BCAR3: variants seen among roughly 807,000 people sequenced by gnomAD.
The protein encoded by BCAR3 is breast cancer anti-estrogen resistance protein 3.
BCAR3 carries 37 observed loss-of-function variants against 80.1 expected under a neutral mutation model. The ratio of observed to expected loss-of-function variants is 0.46; its 90% CI spans 0.36 to 0.61. BCAR3 has a LOEUF of 0.61. Ranked by LOEUF, BCAR3 falls within the 20% of genes least tolerant of loss-of-function variation. The probability of loss-of-function intolerance (pLI) is 0.00; values close to 1 mark genes in which losing one functional copy is unlikely to be tolerated. For missense variants in BCAR3, 978 were observed against 1,068.2 expected, an observed-to-expected ratio of 0.92 and a Z score of 1.18; for synonymous variants, 389 against 418.9, an observed-to-expected ratio of 0.93 and a Z score of 0.87.
At chr1:93,807,938 T>C (rs1413913811) in intron 2 of BCAR3, among the ~76,000 whole-genome samples, 1 of 151,010 alleles carries the variant, frequency 6.6e-6, no homozygotes, top group Non-Finnish European at 1.5e-5. Flanking sequence ...GACAGTGAAA[T>C]TGGGTGTCTG....
chr1:93,770,296 T>C lies in BCAR3; in HGVS notation c.-62-64154A>G, dbSNP rs536348004. ...TACCAGAAAGGAGGTACAGCATCAGTAATGGCAGAGGCAATGACAGCTCAC... is the reference window on the plus strand; with the variant it reads ...TACCAGAAAGGAGGTACAGCATCAGCAATGGCAGAGGCAATGACAGCTCAC... On this transcript the variant is annotated intron_variant, in intron 2 of 13. Transcript: ENST00000370244. Among the ~76,000 whole-genome samples the C allele has an allele frequency of 3.9e-5, 6 of 152,134 alleles. No individual in the cohort carries two copies. In the East Asian group the frequency reaches 1.2e-3, roughly 30 times the overall value.
At chr1:93,696,359 T>C (rs1649402414) in intron 3 of BCAR3, among the ~76,000 whole-genome samples, 1 of 152,182 alleles carries the variant, frequency 6.6e-6, no homozygotes, top group Non-Finnish European at 1.5e-5. Flanking sequence ...GCTGGAACCC[T>C]GGGAACCACC....
intron 2 of BCAR3, among the ~76,000 whole-genome samples, chr1:93,667,824 C>T (rs1647998364): frequency 1.3e-5 from 2 of 152,210 alleles, no homozygotes; most frequent in Admixed American, 1.3e-4. Context: ...GTGGCTCAGG[C>T]CGGTCTGGCC....
chr1:93,572,457 C>T (rs1360401062), intron 8 of BCAR3, among the ~76,000 whole-genome samples: 1 of 152,212 alleles, frequency 6.6e-6, no homozygotes, highest in East Asian at 1.9e-4. Flanking sequence ...CCTGTAAGGC[C>T]AGACCCTAAT....
chr1:93,591,507 C>T (rs1319300646), intron 4 of BCAR3, among the ~76,000 whole-genome samples: 1 of 151,982 alleles, frequency 6.6e-6, no homozygotes, highest in Admixed American at 6.6e-5. Context: ...GACATGATGC[C>T]CTTCCCCCCA....
chr1:93,777,563 G>C (rs748378341), intron 2 of BCAR3, among the ~76,000 whole-genome samples: 1 of 150,368 alleles, frequency 6.7e-6, no homozygotes, highest in South Asian at 2.1e-4. Flanking sequence ...CCTCCTCCAC[G>C]GGCATGCACC....
At chr1:93,812,835 C>A (rs926349797) in intron 2 of BCAR3, among the ~76,000 whole-genome samples, 2 of 152,214 alleles carry the variant, frequency 1.3e-5, no homozygotes, top group Non-Finnish European at 2.9e-5. Context: ...CTCTACCCCC[C>A]TATCCCAGGC....
At chr1:93,820,313 T>C (rs764573235) in intron 2 of BCAR3, among the ~76,000 whole-genome samples, 1 of 152,210 alleles carries the variant, frequency 6.6e-6, no homozygotes, top group African/African-American at 2.4e-5. Context: ...ATTCTGATAC[T>C]AACTACCTGG....
chr1:93,824,174 G>A (rs1172474132), intron 2 of BCAR3, among the ~76,000 whole-genome samples: 1 of 133,992 alleles, frequency 7.5e-6, no homozygotes, highest in Non-Finnish European at 1.7e-5. Context: ...TCTGGCCAAC[G>A]TGGCCTGGCC....
chr1:93,636,044 T>C (rs1352772995), intron 3 of BCAR3, among the ~76,000 whole-genome samples: 1 of 152,186 alleles, frequency 6.6e-6, no homozygotes, highest in Non-Finnish European at 1.5e-5. Flanking sequence ...TTACTCCTTT[T>C]TAAATATGCT....
intron 2 of BCAR3, among the ~76,000 whole-genome samples, chr1:93,656,610 CTT>C (rs34484122): frequency 7.2e-5 from 10 of 138,148 alleles, no homozygotes; most frequent in Admixed American, 1.5e-4. Context: ...TATCTGAAGT[CTT>C]TTTTTTTTTT....
At chr1:93,820,815 C>T (rs777999014) in intron 2 of BCAR3, among the ~76,000 whole-genome samples, 1 of 152,136 alleles carries the variant, frequency 6.6e-6, no homozygotes, top group African/African-American at 2.4e-5. Context: ...ACCCTCTAAT[C>T]GTAAGCTTGA....
chr1:93,643,025 C>T (rs1570999724), intron 2 of BCAR3, among the ~76,000 whole-genome samples: 1 of 151,280 alleles, frequency 6.6e-6, no homozygotes, highest in African/African-American at 2.4e-5. Flanking sequence ...GTGGGGAGTT[C>T]GAGACCAGCC....
intron 3 of BCAR3, among the ~76,000 whole-genome samples, chr1:93,603,931 C>A (rs753377516): frequency 4.6e-5 from 7 of 152,142 alleles, no homozygotes; most frequent in Non-Finnish European, 1.0e-4. Flanking sequence ...AGCAGAGATT[C>A]CATAAAAATT....
At chr1:93,607,562 C>A (rs913797423) in intron 3 of BCAR3, among the ~76,000 whole-genome samples, 2 of 151,892 alleles carry the variant, frequency 1.3e-5, no homozygotes, top group African/African-American at 2.4e-5. Context: ...AACGCCCAAG[C>A]TCTCACTCAC....
At chr1:93,810,874 G>A (rs995916527) in intron 2 of BCAR3, among the ~76,000 whole-genome samples, 4 of 152,146 alleles carry the variant, frequency 2.6e-5, no homozygotes, top group African/African-American at 9.7e-5. Context: ...TGGTTCATTG[G>A]TTCATCTTAC....
intron 2 of BCAR3, among the ~76,000 whole-genome samples, chr1:93,781,385 G>T (rs1322667996): frequency 1.3e-5 from 2 of 152,110 alleles, no homozygotes; most frequent in African/African-American, 4.8e-5. Context: ...CTCAGTGTGT[G>T]CCAGAACAGC....
chr1:93,763,549 C>T (rs780671007), intron 2 of BCAR3, among the ~76,000 whole-genome samples: 17 of 152,330 alleles, frequency 1.1e-4, no homozygotes, highest in Non-Finnish European at 1.6e-4. Context: ...AGTGACAGAG[C>T]CAGAATTTGA....
At chr1:93,695,146 C>G (rs542943565) in intron 3 of BCAR3, among the ~76,000 whole-genome samples, 16 of 152,364 alleles carry the variant, frequency 1.1e-4, no homozygotes, top group African/African-American at 3.1e-4. Flanking sequence ...CTTCCTTCTT[C>G]CTTCCCTGCC....
Sources: allele counts gnomAD v4.1 joint callset (sites outside exome capture counted in the v4.1 genomes callset), GRCh38; gene constraint gnomAD v4.1.1; transcripts MANE v1.5; gene names NCBI Gene and HGNC (gene_info 2026-07-23, HGNC 2026-07-21).